SPTLC1: variants seen among roughly 807,000 people sequenced by gnomAD.
SPTLC1 encodes the protein serine palmitoyltransferase long chain base subunit 1.
In SPTLC1, 55 loss-of-function variants were observed where a neutral mutation model predicts 68.9. The observed-to-expected ratio is 0.80, with a 90% CI of 0.64 to 1.00. SPTLC1 has a LOEUF of 1.00. SPTLC1 is among the 50% of genes least tolerant of loss of function. The pLI is 0.00. For missense variants in SPTLC1, 449 were observed against 573.1 expected, an observed-to-expected ratio of 0.78 and a Z score of 2.21; for synonymous variants, 197 against 201.6, an observed-to-expected ratio of 0.98 and a Z score of 0.19.
At chr9:92,090,151 GT>G (rs1162327171) in intron 3 of SPTLC1, among the ~76,000 whole-genome samples, 1 of 152,220 alleles carries the variant, frequency 6.6e-6, no homozygotes, top group Non-Finnish European at 1.5e-5. Flanking sequence ...CAATAAGAAA[GT>G]GGTAAATAGG....
chr9:92,043,202 C>T (rs1050061430), intron 12 of SPTLC1, among the ~76,000 whole-genome samples: 1 of 152,174 alleles, frequency 6.6e-6, no homozygotes. Flanking sequence ...CTGTCAGCAG[C>T]GGCATGTCAC....
intron 9 of SPTLC1, 96 bp from the exon 10 acceptor site, chr9:92,047,804 C>T: frequency 4.0e-6 from 3 of 756,810 alleles, no homozygotes; most frequent in South Asian, 1.5e-5. Context: ...ATTAAACTGT[C>T]TGTTAATATC....
chr9:92,059,444 A>C, intron 6 of SPTLC1, 136 bp from the exon 7 acceptor site: 3 of 873,506 alleles, frequency 3.4e-6, no homozygotes, highest in Non-Finnish European at 5.5e-6. Flanking sequence ...ACATGTTTGA[A>C]TATTTATACA....
chr9:92,039,226 T>C (rs118080256), intron 12 of SPTLC1, among the ~76,000 whole-genome samples: 4,266 of 152,320 alleles, frequency 0.028, 90 homozygotes, highest in Non-Finnish European at 0.042. Flanking sequence ...ACGTCCTTAT[T>C]TGCATGTTAA....
In SPTLC1 at chr9:92,047,014, A is replaced by T. The variant is rs1315169918; in HGVS notation, c.1081+158T>A. ...AGCTCTGACCCCAAGTCCTTGGGGC[A>T]GGAATAGCTTCTTCACTGCCATTCT... is the stretch of plus-strand genomic sequence containing the variant. On this transcript the variant is annotated intron_variant, in intron 11 of 14. Transcript: ENST00000262554. Among the ~76,000 whole-genome samples the T allele has an allele frequency of 3.3e-5, 5 of 152,340 alleles. No individual in the cohort carries two copies. The East Asian group carries it at 9.6e-4, about 29-fold the overall frequency.
chr9:92,082,309 A>C (rs1834915551), intron 3 of SPTLC1, among the ~76,000 whole-genome samples: 1 of 151,844 alleles, frequency 6.6e-6, no homozygotes, highest in South Asian at 2.1e-4. Flanking sequence ...TTACATATCT[A>C]TACATGTGAC....
At chr9:92,047,844 T>C in intron 9 of SPTLC1, 136 bp from the exon 10 acceptor site, 2 of 669,940 alleles carry the variant, frequency 3.0e-6, no homozygotes, top group Non-Finnish European at 2.7e-6. Flanking sequence ...TACATGAAAA[T>C]AAAAAATAAA....
At chr9:92,111,322 T>A (rs761327731) in intron 2 of SPTLC1, 2 of 152,184 alleles carry the variant, frequency 1.3e-5, no homozygotes, top group Non-Finnish European at 2.9e-5. Flanking sequence ...ACTAGTAGGA[T>A]CCCTTCCCTT....
chr9:92,062,215 CAG>C (rs1834131774), intron 6 of SPTLC1, among the ~76,000 whole-genome samples: 1 of 152,078 alleles, frequency 6.6e-6, no homozygotes, highest in Non-Finnish European at 1.5e-5. Context: ...AGAAAATTAT[CAG>C]AGTGTTTGCT....
At chr9:92,062,867 C>A (rs1452977668) in intron 6 of SPTLC1, among the ~76,000 whole-genome samples, 1 of 152,108 alleles carries the variant, frequency 6.6e-6, no homozygotes, top group African/African-American at 2.4e-5. Context: ...ATTTGTGAGA[C>A]ACAACTAAAG....
At chr9:92,096,418 C>T (rs1835531321) in intron 3 of SPTLC1, among the ~76,000 whole-genome samples, 1 of 151,986 alleles carries the variant, frequency 6.6e-6, no homozygotes, top group African/African-American at 2.4e-5. Flanking sequence ...TCTTATTATA[C>T]ATCTTGAATA....
At chr9:92,052,321 A>C (rs1370085882) in intron 8 of SPTLC1, among the ~76,000 whole-genome samples, 1 of 152,186 alleles carries the variant, frequency 6.6e-6, no homozygotes, top group Non-Finnish European at 1.5e-5. Flanking sequence ...GGGTGCCAAG[A>C]CCAGTCAATG....
chr9:92,071,845 G>T (rs1338278299), intron 5 of SPTLC1, among the ~76,000 whole-genome samples: 2 of 152,172 alleles, frequency 1.3e-5, no homozygotes, highest in African/African-American at 4.8e-5. Flanking sequence ...TTCTACCATT[G>T]TAACAGGCTC....
chr9:92,032,265 C>G lies in SPTLC1; in HGVS notation c.*200G>C. ...CCTCTTAAAAAAATCAGTTCCTGGG[C>G]TTTTAGATGTGTTTTCTTTTTAAAA... On this transcript the variant is annotated 3_prime_UTR_variant, in exon 15 of 15. Transcript: ENST00000262554. 1.3e-6 allele frequency: 2 copies of G among 1,529,188 alleles called. No individual in the cohort carries two copies. Among genetic ancestry groups the G allele is most frequent in the Non-Finnish European group, 1.7e-6 (2 of 1,143,654 alleles). The allele number at this position is 1,529,188 out of a possible 1,614,324, so 94.7% of individuals were successfully genotyped here.
chr9:92,094,156 G>A (rs980682439), intron 3 of SPTLC1, among the ~76,000 whole-genome samples: 1 of 152,204 alleles, frequency 6.6e-6, no homozygotes, highest in Admixed American at 6.5e-5. Context: ...AGGCCAAGAT[G>A]GATGCATCTG....
In SPTLC1 at chr9:92,071,700, C is replaced by T. The variant is rs551035580; in HGVS notation, c.428-3602G>A. On this transcript the variant is annotated intron_variant, in intron 5 of 14. Transcript: ENST00000262554. Reference sequence around the variant, plus strand: ...CTGACCAAGCTGCGCCATGGTCAAGCCATCGTGACCCCTGTGACCCACACG... The same window carrying T: ...CTGACCAAGCTGCGCCATGGTCAAGTCATCGTGACCCCTGTGACCCACACG... 3.9e-5 allele frequency among the ~76,000 whole-genome samples: 6 copies of T among 152,234 alleles called. No homozygotes were observed. The South Asian group carries it at 1.2e-3, about 32-fold the overall frequency.
Position 92,047,679 on chromosome 9 carries a change from GT to G in SPTLC1, c.917del (p.Asn306ThrfsTer19). 1 of 1,613,358 alleles carries G rather than the reference GT, an allele frequency of 6.2e-7. No individual in the cohort carries two copies. The highest frequency in any genetic ancestry group is 2.2e-5 in the East Asian group (1 of 44,844). The stretch of plus-strand genomic sequence containing the variant: ...CAATAGAAGCAAGTGCATTCTCCAT[GT>G]TGGCACTGATAAGATCAATATCATC... ...NIDDIDLISANMENALASIGG... is the reference protein window; with the variant it reads ...NIDDIDLISAXMENALASIGG... On this transcript the variant is annotated frameshift_variant, in exon 10 of 15. Transcript: ENST00000262554. LOFTEE classifies it high-confidence loss of function.
chr9:92,070,459 T>C (rs1387580595), intron 5 of SPTLC1, among the ~76,000 whole-genome samples: 1 of 152,248 alleles, frequency 6.6e-6, no homozygotes. Flanking sequence ...TCACTGTTAG[T>C]ATTAAACACG....
intron 5 of SPTLC1, chr9:92,079,780 C>T (rs1834813440): frequency 3.1e-6 from 2 of 649,408 alleles, no homozygotes; most frequent in South Asian, 1.8e-5. Context: ...CGCTGCAATC[C>T]CCACACATGC....
Sources: gnomAD v4.1 joint callset for allele counts (sites outside exome capture counted in the v4.1 genomes callset) on GRCh38, gnomAD v4.1.1 for gene constraint, MANE v1.5 for transcripts, NCBI Gene and HGNC (gene_info 2026-07-23, HGNC 2026-07-21) for gene names.